The following BABAM2 variants were observed in gnomAD, a reference collection of about 807,000 sequenced individuals.
The protein encoded by BABAM2 is BRISC and BRCA1-A complex member 2.
In BABAM2, 31 loss-of-function variants were observed where a neutral mutation model predicts 54.7. The observed-to-expected ratio is 0.57, with a 90% CI of 0.43 to 0.77. The LOEUF (loss-of-function observed/expected upper bound fraction) is 0.77, where lower values mean the gene tolerates loss of function less well. BABAM2 is among the 30% of genes least tolerant of loss of function. The pLI is 0.00. For missense variants in BABAM2, 364 were observed against 455.8 expected (o/e 0.80, Z 1.83); for synonymous variants, 167 against 162.9 (o/e 1.03, Z -0.19).
chr2:28,231,994 T>C (rs1681453107), intron 7 of BABAM2, among the ~76,000 whole-genome samples: 2 of 151,658 alleles, frequency 1.3e-5, no homozygotes, highest in South Asian at 4.2e-4. Context: ...TTTTTAGAGA[T>C]GGGATCTCGC....
intron 7 of BABAM2, among the ~76,000 whole-genome samples, chr2:28,189,732 A>C (rs757587381): frequency 2.0e-4 from 31 of 152,172 alleles, no homozygotes; most frequent in Non-Finnish European, 4.4e-4. Flanking sequence ...TCTACAGATT[A>C]AGTAGTCAAA....
At chr2:28,095,296 C>A (rs1011763721) in intron 6 of BABAM2, among the ~76,000 whole-genome samples, 1 of 152,132 alleles carries the variant, frequency 6.6e-6, no homozygotes, top group African/African-American at 2.4e-5. Context: ...CTCCATGCCC[C>A]TACACTAGCC....
intron 6 of BABAM2, among the ~76,000 whole-genome samples, chr2:28,099,843 C>T (rs1222606552): frequency 1.3e-5 from 2 of 151,952 alleles, no homozygotes; most frequent in Non-Finnish European, 2.9e-5. Context: ...TTTCCCGATA[C>T]CTCTCTTTTA....
intron 7 of BABAM2, among the ~76,000 whole-genome samples, chr2:28,201,576 A>G (rs1177244775): frequency 6.6e-6 from 1 of 152,092 alleles, no homozygotes; most frequent in Non-Finnish European, 1.5e-5. Context: ...AGTTGTCACC[A>G]GGAGACCATT....
intron 5 of BABAM2, among the ~76,000 whole-genome samples, chr2:28,028,405 C>G (rs1676035432): frequency 6.6e-6 from 1 of 152,050 alleles, no homozygotes; most frequent in South Asian, 2.1e-4. Flanking sequence ...ACCCCCCGCC[C>G]CTCCCCGCCA....
At chr2:28,247,003 A>G (rs1682973100) in intron 10 of BABAM2, among the ~76,000 whole-genome samples, 1 of 152,194 alleles carries the variant, frequency 6.6e-6, no homozygotes, top group Non-Finnish European at 1.5e-5. Context: ...TTTCTATCTT[A>G]GCTTTTCCAA....
chr2:28,235,828 A>G (rs1162767471), intron 7 of BABAM2, among the ~76,000 whole-genome samples: 1 of 151,532 alleles, frequency 6.6e-6, no homozygotes, highest in Non-Finnish European at 1.5e-5. Context: ...CTAATTTTTT[A>G]ATTTTTTTTT....
intron 10 of BABAM2, among the ~76,000 whole-genome samples, chr2:28,291,228 T>C (rs1336589312): frequency 6.6e-6 from 1 of 152,208 alleles, no homozygotes; most frequent in African/African-American, 2.4e-5. Flanking sequence ...GCTGTCTCTT[T>C]CCATAATAGG....
At chr2:28,290,300 G>C (rs1427833768) in intron 10 of BABAM2, among the ~76,000 whole-genome samples, 2 of 151,972 alleles carry the variant, frequency 1.3e-5, no homozygotes, top group African/African-American at 4.8e-5. Context: ...GCCTTCTCCT[G>C]CGATCTTTTT....
intron 10 of BABAM2, among the ~76,000 whole-genome samples, chr2:28,287,825 A>C (rs1686951202): frequency 6.6e-6 from 1 of 152,228 alleles, no homozygotes; most frequent in South Asian, 2.1e-4. Context: ...ATGGCATAGC[A>C]GGCAGGAGGT....
chr2:28,109,517 C>G (rs1667818934), intron 6 of BABAM2, among the ~76,000 whole-genome samples: 1 of 152,014 alleles, frequency 6.6e-6, no homozygotes, highest in South Asian at 2.1e-4. Context: ...TACATTTGAT[C>G]CCTACTTCTC....
At chr2:28,174,971 A>G (rs1242970382) in intron 7 of BABAM2, among the ~76,000 whole-genome samples, 1 of 152,174 alleles carries the variant, frequency 6.6e-6, no homozygotes, top group Admixed American at 6.5e-5. Flanking sequence ...GCAGTGCACC[A>G]GGGAGATCTG....
chr2:28,133,963 C>G (rs1470582743), intron 7 of BABAM2, among the ~76,000 whole-genome samples: 1 of 152,158 alleles, frequency 6.6e-6, no homozygotes, highest in Non-Finnish European at 1.5e-5. Context: ...CCGCACGTGG[C>G]TGCACGCCCT....
intron 6 of BABAM2, among the ~76,000 whole-genome samples, chr2:28,074,590 C>T (rs1296575111): frequency 6.6e-6 from 1 of 151,958 alleles, no homozygotes; most frequent in African/African-American, 2.4e-5. Context: ...CTTCCCTAAC[C>T]CCTATATGAG....
At chr2:28,323,121 G>A (rs951228131) in intron 11 of BABAM2, among the ~76,000 whole-genome samples, 1 of 152,222 alleles carries the variant, frequency 6.6e-6, no homozygotes, top group African/African-American at 2.4e-5. Flanking sequence ...AAGTGACTGT[G>A]TGTCCCCTGA....
chr2:28,026,820 ATTT>A (rs1675734374), intron 5 of BABAM2, among the ~76,000 whole-genome samples: 1 of 87,234 alleles, frequency 1.1e-5, no homozygotes, highest in African/African-American at 5.3e-5. Flanking sequence ...ATAAATATAT[ATTT>A]ATATATATAA....
intron 7 of BABAM2, among the ~76,000 whole-genome samples, chr2:28,187,341 G>A (rs1676421899): frequency 6.6e-6 from 1 of 152,188 alleles, no homozygotes; most frequent in Admixed American, 6.5e-5. Flanking sequence ...TAGCACTATA[G>A]TGGCTTGCAC....
chr2:27,915,989 T>C (rs992432162), intron 2 of BABAM2, among the ~76,000 whole-genome samples: 1 of 152,212 alleles, frequency 6.6e-6, no homozygotes, highest in Admixed American at 6.5e-5. Flanking sequence ...AGGTTAAGCA[T>C]GTACTGAGCA....
At chr2:28,185,516 G>T (rs1676184752) in intron 7 of BABAM2, among the ~76,000 whole-genome samples, 1 of 152,144 alleles carries the variant, frequency 6.6e-6, no homozygotes, top group Non-Finnish European at 1.5e-5. Context: ...CTAAACTCGA[G>T]TCATATTGAA....
Sources: allele counts gnomAD v4.1 joint callset (sites outside exome capture counted in the v4.1 genomes callset), GRCh38; gene constraint gnomAD v4.1.1; transcripts MANE v1.5; gene names NCBI Gene and HGNC (gene_info 2026-07-23, HGNC 2026-07-21).